Variants in SLFN12L observed in about 807,000 individuals in gnomAD.
SLFN12L encodes schlafen family member 12-like.
In SLFN12L, 34 loss-of-function variants were observed where a neutral mutation model predicts 34.8. The observed-to-expected ratio is 0.98, with a 90% CI of 0.74 to 1.30. The LOEUF (loss-of-function observed/expected upper bound fraction) is 1.30. SLFN12L is among the 50% of genes most tolerant of loss of function. SLFN12L has a pLI of 0.00. For missense variants in SLFN12L, 703 were observed against 696.2 expected, an observed-to-expected ratio of 1.01 and a Z score of -0.11; for synonymous variants, 259 against 247.5, an observed-to-expected ratio of 1.05 and a Z score of -0.44.
At position 35,479,489 on chromosome 17, in the gene SLFN12L, G is replaced by A; in HGVS notation, c.793C>T (p.Pro265Ser). The A allele has an allele frequency of 6.2e-7, 1 of 1,614,104 alleles. No homozygotes were observed. The highest frequency in any genetic ancestry group is 8.5e-7 in the Non-Finnish European group (1 of 1,180,008). Residue 265 changes from proline to serine, a missense_variant, in exon 3 of 5, where the codon CCT becomes TCT. By Grantham distance (74) the Pro-to-Ser change is moderately conservative (BLOSUM62 -1). Transcript: ENST00000628453. ...TTTGCAAATGCAGAAACATATTGAG[G>A]GAGAATCTCTGTAATTCGTTGTAAC... ...KLLQRITEIL[P>S]QYVSAFANTD... is the part of the protein sequence containing the mutation.
intron 2 of SLFN12L, chr17:35,490,531 A>T (rs1914795243): frequency 1.1e-6 from 1 of 870,592 alleles, no homozygotes; most frequent in African/African-American, 1.6e-5. Flanking sequence ...GTCTAAAAAT[A>T]ACGTCCAGTG....
intron 2 of SLFN12L, among the ~76,000 whole-genome samples, chr17:35,486,659 AC>A (rs1436867599): frequency 6.6e-6 from 1 of 152,214 alleles, no homozygotes; most frequent in Non-Finnish European, 1.5e-5. Flanking sequence ...CCTAAAACTC[AC>A]TGGCCTCCCT....
intron 1 of SLFN12L, among the ~76,000 whole-genome samples, chr17:35,528,583 G>A (rs2072360660): frequency 2.0e-5 from 3 of 152,088 alleles, no homozygotes; most frequent in East Asian, 1.9e-4. Flanking sequence ...ACAAAAACAA[G>A]CAATGGGGAA....
chr17:35,482,301 C>A lies in SLFN12L; in HGVS notation c.87-2106G>T, dbSNP rs138382418. Among the ~76,000 whole-genome samples the A allele has an allele frequency of 2.6e-5, 4 of 152,308 alleles. No individual in the cohort carries two copies. The East Asian group carries it at 7.7e-4, about 29-fold the overall frequency. On this transcript the variant is annotated intron_variant, in intron 2 of 4. Transcript: ENST00000628453. ...TGATTAGGTTAAAGGGTAGATCCCT[C>A]ATGAATGAGATTAGTGCTCTTCTAA...
intron 2 of SLFN12L, chr17:35,491,330 T>C: frequency 2.0e-6 from 1 of 512,426 alleles, no homozygotes; most frequent in Non-Finnish European, 3.5e-6. Context: ...CCTTCCTACT[T>C]TCTTCCTCCA....
chr17:35,532,180 T>C (rs941360133), intron 1 of SLFN12L, among the ~76,000 whole-genome samples: 2 of 152,174 alleles, frequency 1.3e-5, no homozygotes, highest in Non-Finnish European at 2.9e-5. Context: ...GCACAGTGGC[T>C]CACGCCTGTA....
rs189038404 is a variant in SLFN12L at position 35,468,431 on chromosome 17, G to A, written c.*6492C>T. Among the ~76,000 whole-genome samples the A allele has an allele frequency of 6.1e-4, 93 of 152,232 alleles. No individual in the cohort carries two copies. Among genetic ancestry groups the A allele is most frequent in the African/African-American group, 1.9e-3 (80 of 41,544 alleles). On this transcript the variant is annotated 3_prime_UTR_variant, in exon 5 of 5. Transcript: ENST00000628453. ...AGATTATGCTGCCTCAGATGACATC[G>A]ATCCAGCTTACCGTCAGAGATGAAT...
intron 2 of SLFN12L, among the ~76,000 whole-genome samples, chr17:35,511,283 A>T (rs1915635370): frequency 6.6e-6 from 1 of 152,192 alleles, no homozygotes; most frequent in South Asian, 2.1e-4. Context: ...TTTTCTCATA[A>T]TCTCTTCTGC....
intron 4 of SLFN12L, among the ~76,000 whole-genome samples, chr17:35,476,471 AAGGAAGGAAGGAAGGAAG>A (rs1310014027): frequency 1.5e-3 from 134 of 91,044 alleles, no homozygotes; most frequent in South Asian, 3.2e-3. Context: ...GGAAGGAAGG[AAGGAAGGAAGGAAGGAAG>A]GAAGGAAGGA....
Position 35,522,969 on chromosome 17 carries a change from A to G in SLFN12L, c.-605T>C. 1 of 498,330 alleles carries G rather than the reference A, an allele frequency of 2.0e-6. No homozygotes were observed. 30.9% of individuals were successfully genotyped at this position (498,330 alleles called of 1,614,324 possible). On this transcript the variant is annotated splice_region_variant and 5_prime_UTR_variant, in exon 2 of 5. Transcript: ENST00000628453. ...AGTACATCGCAAATATCCTGGTAGC[A>G]CTAGATGTGAAAAGAATGAGAAATT...
intron 1 of SLFN12L, among the ~76,000 whole-genome samples, chr17:35,526,544 A>G (rs1202600934): frequency 6.6e-6 from 1 of 152,234 alleles, no homozygotes; most frequent in Non-Finnish European, 1.5e-5. Context: ...AGAACTCAGG[A>G]TTAAGAAACT....
intron 2 of SLFN12L, among the ~76,000 whole-genome samples, chr17:35,504,737 C>A (rs911147750): frequency 6.6e-6 from 1 of 152,256 alleles, no homozygotes; most frequent in African/African-American, 2.4e-5. Flanking sequence ...ACTAAGTTCA[C>A]TTCTTGTCTC....
chr17:35,536,903 C>T (rs528672733), intron 1 of SLFN12L, among the ~76,000 whole-genome samples: 262 of 151,908 alleles, frequency 1.7e-3, no homozygotes, highest in African/African-American at 6.2e-3. Context: ...AGGCTGGGTA[C>T]GGTGGCTAAT....
intron 2 of SLFN12L, among the ~76,000 whole-genome samples, chr17:35,504,267 G>A (rs1172680156): frequency 1.3e-5 from 2 of 152,146 alleles, no homozygotes; most frequent in Admixed American, 6.5e-5. Context: ...TGTCAATCAG[G>A]AGTCTTGCCC....
At chr17:35,479,025 CTT>C (rs944294933) in intron 3 of SLFN12L, 90 bp downstream of exon 3, 1 of 982,786 alleles carries the variant, frequency 1.0e-6, no homozygotes, top group Non-Finnish European at 1.5e-6. Flanking sequence ...AATTTGAAGA[CTT>C]TTAATCTTGT....
intron 2 of SLFN12L, among the ~76,000 whole-genome samples, chr17:35,505,710 C>T (rs115587563): frequency 0.018 from 2,779 of 152,204 alleles, 90 homozygotes; most frequent in African/African-American, 0.062. Flanking sequence ...AGACTGTGAG[C>T]GGTACATGAA....
chr17:35,471,782 T>C lies in SLFN12L; in HGVS notation c.*3141A>G, dbSNP rs569737539. On this transcript the variant is annotated 3_prime_UTR_variant, in exon 5 of 5. Transcript: ENST00000628453. ...TGACTTGTGTGAGATGGTGTCTCAT[T>C]GTGGTTTTGATTTGCATTTCTCTAA... 6.6e-6 allele frequency among the ~76,000 whole-genome samples: 1 copy of C among 152,314 alleles called. No homozygotes were observed. Among genetic ancestry groups the C allele is most frequent in the Non-Finnish European group, 1.5e-5 (1 of 68,024 alleles).
In SLFN12L at chr17:35,508,066, G is replaced by A. The variant is rs201828756; in HGVS notation, c.86+14213C>T. ...ATCAACCCCTGACCTAATCAGTTAC[G>A]TTATCTATAGATTCCAGACATTGTA... On this transcript the variant is annotated intron_variant, in intron 2 of 4. Transcript: ENST00000628453. 1.4e-4 allele frequency among the ~76,000 whole-genome samples: 21 copies of A among 152,316 alleles called. No individual in the cohort carries two copies. The East Asian group carries it at 3.1e-3, about 22-fold the overall frequency.
Position 35,469,340 on chromosome 17 carries a change from T to TA in SLFN12L, c.*5582dup, listed in dbSNP as rs1913769997. The stretch of plus-strand genomic sequence containing the variant: ...ATTATATATATAAATATATATATAA[T>TA]ATATATATATATGTATTTCAAACTT... On this transcript the variant is annotated 3_prime_UTR_variant, in exon 5 of 5. Coordinates refer to ENST00000628453, the MANE Select transcript of SLFN12L (RefSeq NM_001363830.2). Among the ~76,000 whole-genome samples, 6 of 122,074 alleles carry TA rather than the reference T, an allele frequency of 4.9e-5. No individual in the cohort carries two copies. The highest frequency in any genetic ancestry group is 1.6e-4 in the African/African-American group (5 of 32,162). 80.1% of individuals were successfully genotyped at this position (122,074 alleles called of 152,430 possible).
Sources: gnomAD v4.1 joint callset for allele counts (sites outside exome capture counted in the v4.1 genomes callset) on GRCh38, gnomAD v4.1.1 for gene constraint, MANE v1.5 for transcripts, NCBI Gene and HGNC (gene_info 2026-07-23, HGNC 2026-07-21) for gene names.